Variants in DNAAF9 observed in about 807,000 individuals in gnomAD.
The protein encoded by DNAAF9 is dynein axonemal assembly factor 9.
In DNAAF9, 90 loss-of-function variants were observed where a neutral mutation model predicts 167.0. The ratio of observed to expected loss-of-function variants is 0.54; its 90% CI spans 0.45 to 0.64. DNAAF9 has a LOEUF of 0.64. DNAAF9 is among the 30% of genes least tolerant of loss of function. The pLI, the probability that DNAAF9 is intolerant of heterozygous loss-of-function variation, is 0.00. For synonymous variants in DNAAF9, 491 were observed against 508.8 expected (o/e 0.96, Z 0.47); for missense variants, 1,315 against 1,442.2 (o/e 0.91, Z 1.43).
At position 3,304,603 on chromosome 20, in the gene DNAAF9, A is replaced by G. The variant is rs946083846; in HGVS notation, c.1679-60T>C. ...GCTGGGTGCTGGGGGTCAGATTCCA[A>G]TGTCCTCTTGTACAGCAGTGTGGTA... On this transcript the variant is annotated intron_variant, in intron 20 of 36. Coordinates refer to ENST00000252032, the MANE Select transcript of DNAAF9 (RefSeq NM_001009984.3). 5 of 780,694 alleles carry G rather than the reference A, an allele frequency of 6.4e-6. No homozygotes were observed. The Admixed American group carries it at 9.7e-5, about 15-fold the overall frequency. 48.4% of individuals were successfully genotyped at this position (780,694 alleles called of 1,614,324 possible).
At chr20:3,283,778 T>G (rs1193535009) in intron 27 of DNAAF9, among the ~76,000 whole-genome samples, 1 of 148,508 alleles carries the variant, frequency 6.7e-6, no homozygotes, top group African/African-American at 2.5e-5. Context: ...TACAGGAGAC[T>G]TCAGTGTAAG....
chr20:3,365,864 T>C (rs1051612718), intron 6 of DNAAF9, among the ~76,000 whole-genome samples: 3 of 152,218 alleles, frequency 2.0e-5, no homozygotes, highest in Admixed American at 6.5e-5. Context: ...GAAACCACTT[T>C]CTTTACTCAT....
chr20:3,296,235 C>T (rs996045382), intron 23 of DNAAF9: 4 of 497,714 alleles, frequency 8.0e-6, no homozygotes, highest in Non-Finnish European at 1.6e-5. Context: ...CACCACTGCA[C>T]TCTACCCGGG....
chr20:3,320,003 T>C (rs912025648), intron 16 of DNAAF9, among the ~76,000 whole-genome samples: 1 of 151,956 alleles, frequency 6.6e-6, no homozygotes, highest in South Asian at 2.1e-4. Flanking sequence ...ATCCTGGGGG[T>C]TCCTGATCCT....
At chr20:3,371,377 TC>T (rs2083506902) in intron 6 of DNAAF9, among the ~76,000 whole-genome samples, 1 of 138,752 alleles carries the variant, frequency 7.2e-6, no homozygotes, top group Non-Finnish European at 1.5e-5. Context: ...GGAGTCTCGC[TC>T]TGTGGCCCAG....
intron 30 of DNAAF9, among the ~76,000 whole-genome samples, chr20:3,265,919 A>C (rs2068483641): frequency 6.6e-6 from 1 of 152,148 alleles, no homozygotes; most frequent in Non-Finnish European, 1.5e-5. Flanking sequence ...ACCCCAGGTG[A>C]TCCGCCTGCC....
intron 6 of DNAAF9, among the ~76,000 whole-genome samples, chr20:3,361,710 G>A (rs1172172004): frequency 6.6e-6 from 1 of 152,160 alleles, no homozygotes; most frequent in Non-Finnish European, 1.5e-5. Flanking sequence ...ATTTCAAATG[G>A]ACAAAAAATT....
chr20:3,390,429 G>A (rs1046780308), intron 1 of DNAAF9, among the ~76,000 whole-genome samples: 3 of 149,532 alleles, frequency 2.0e-5, no homozygotes, highest in Non-Finnish European at 3.0e-5. Flanking sequence ...GCGGTGGCAC[G>A]ATCTTGGCTC....
rs57727958 is a variant in DNAAF9, at chr20:3,319,262, C to CAAAAA, written c.1357-867_1357-863dup. ...TGGGCAACGGACCGAGACCCCGTCT[C>CAAAAA]AAAAAAAAAAAAAAAAAAAAAAAAA... On this transcript the variant is annotated intron_variant, in intron 16 of 36. Coordinates refer to ENST00000252032, the MANE Select transcript of DNAAF9 (RefSeq NM_001009984.3). Among the ~76,000 whole-genome samples the CAAAAA allele has an allele frequency of 9.5e-3, 394 of 41,530 alleles. 73 individuals are homozygous for CAAAAA. The highest frequency in any genetic ancestry group is 0.039 in the East Asian group (74 of 1,900). 27.2% of individuals were successfully genotyped at this position (41,530 alleles called of 152,430 possible). A position where few individuals can be genotyped will look rare whatever the true frequency, so the allele number is the denominator to read the frequency against.
rs1271340730 is a variant in DNAAF9 at position 3,326,435 on chromosome 20, A to G, written c.1101-151T>C. On this transcript the variant is annotated intron_variant, in intron 12 of 36. Transcript: ENST00000252032. ...AACCCACTGATTTCTAAACCTTTTA[A>G]AAGTCACATGCCTGGGCCAGGCATA... The G allele has an allele frequency of 4.9e-6, 3 of 615,402 alleles. No homozygotes were observed. In the African/African-American group the frequency reaches 5.6e-5, roughly 11 times the overall value. 38.1% of individuals were successfully genotyped at this position (615,402 alleles called of 1,614,324 possible).
At chr20:3,280,627 C>T (rs2068749373) in intron 28 of DNAAF9, among the ~76,000 whole-genome samples, 1 of 151,882 alleles carries the variant, frequency 6.6e-6, no homozygotes, top group South Asian at 2.1e-4. Context: ...GAAGTCAACT[C>T]CTTTTTTTGA....
chr20:3,332,173 G>C, intron 11 of DNAAF9, 107 bp downstream of exon 11: 1 of 649,260 alleles, frequency 1.5e-6, no homozygotes, highest in East Asian at 2.7e-5. Context: ...CACAAATTGG[G>C]TAACCTGAGC....
At chr20:3,310,315 A>T (rs2069381271) in intron 20 of DNAAF9, among the ~76,000 whole-genome samples, 1 of 121,706 alleles carries the variant, frequency 8.2e-6, no homozygotes, top group Non-Finnish European at 1.7e-5. Context: ...AAGGAAAGAA[A>T]GAAAGGAAAG....
At chr20:3,391,787 C>T (rs1016381235) in intron 1 of DNAAF9, among the ~76,000 whole-genome samples, 48 of 152,166 alleles carry the variant, frequency 3.2e-4, no homozygotes, top group Middle Eastern at 3.4e-3. Context: ...CCATGTTGGC[C>T]AGGCTGGTCT....
chr20:3,302,698 A>G (rs2069212395), intron 21 of DNAAF9, among the ~76,000 whole-genome samples: 1 of 152,228 alleles, frequency 6.6e-6, no homozygotes, highest in South Asian at 2.1e-4. Context: ...GTTACAGAAT[A>G]GATGATGTTC....
intron 7 of DNAAF9, among the ~76,000 whole-genome samples, chr20:3,349,641 C>G (rs2070275190): frequency 6.6e-6 from 1 of 152,186 alleles, no homozygotes; most frequent in Admixed American, 6.5e-5. Context: ...CTCTCCTCTA[C>G]ATACAGCCTC....
chr20:3,315,785 C>G lies in DNAAF9; in HGVS notation c.1540G>C (p.Val514Leu). ...AAVPRFCSWL[V>L]EDNEVKLSEK... ...GACAATTTTACTTCATTATCTTCCA[C>G]CTGTGTCCAAAAGGAATGCAGATTT... Residue 514 changes from valine to leucine, a missense_variant and splice_region_variant, in exon 19 of 37, where the codon GTG (valine) becomes CTG (leucine). Physicochemically the swap from Val to Leu is conservative, Grantham distance 32. This residue lies in a region of DNAAF9 where 981 missense variants were observed against 1,012.5 expected (regional missense o/e 0.97). Coordinates refer to ENST00000252032, the MANE Select transcript of DNAAF9 (RefSeq NM_001009984.3). This position sits in a 1 kb window ranked among gnomAD's most constrained non-coding sequence, Gnocchi z 4.1. 1.2e-6 allele frequency: 2 copies of G among 1,613,114 alleles called. No individual in the cohort carries two copies. The highest frequency in any genetic ancestry group is 1.7e-6 in the Non-Finnish European group (2 of 1,179,038).
chr20:3,395,927 G>A (rs1162819212), intron 1 of DNAAF9, among the ~76,000 whole-genome samples: 2 of 152,054 alleles, frequency 1.3e-5, no homozygotes, highest in African/African-American at 4.8e-5. Flanking sequence ...ATGGGTCATG[G>A]GAGGAACCTG....
chr20:3,315,182 T>C lies in DNAAF9; in HGVS notation c.1591-62A>G. 9.8e-7 allele frequency: 1 copy of C among 1,020,516 alleles called. No individual in the cohort carries two copies. Among genetic ancestry groups the C allele is most frequent in the African/African-American group, 1.6e-5 (1 of 63,404 alleles). The allele number at this position is 1,020,516 out of a possible 1,614,324, so 63.2% of individuals were successfully genotyped here. On this transcript the variant is annotated intron_variant, in intron 19 of 36. Transcript: ENST00000252032. This position sits in a 1 kb window ranked among gnomAD's most constrained non-coding sequence, Gnocchi z 4.1. ...GAATAGGTGATTTATAGCATAAATA[T>C]TCACAGAATCAAAAGTCCTGCCCAA...
Sources: gnomAD v4.1 joint callset for allele counts (sites outside exome capture counted in the v4.1 genomes callset) on GRCh38, gnomAD v4.1.1 for gene constraint, gnomAD v4.1.1 regional missense constraint, Gnocchi (gnomAD v3.1) non-coding constraint, MANE v1.5 for transcripts, NCBI Gene and HGNC (gene_info 2026-07-23, HGNC 2026-07-21) for gene names.